ADCY8: variants seen among roughly 807,000 people sequenced by gnomAD.
ADCY8 encodes adenylate cyclase type 8.
In ADCY8, 51 loss-of-function variants were observed where a neutral mutation model predicts 119.7. The ratio of observed to expected loss-of-function variants is 0.43; its 90% CI spans 0.34 to 0.54. ADCY8 has a LOEUF of 0.54. Ranked by LOEUF, ADCY8 falls within the 20% of genes least tolerant of loss-of-function variation. The probability of loss-of-function intolerance (pLI) is 0.03; values close to 1 mark genes in which losing one functional copy is unlikely to be tolerated. For synonymous variants in ADCY8, 665 were observed against 651.0 expected (o/e 1.02, Z -0.33); for missense variants, 1,383 against 1,598.8 (o/e 0.87, Z 2.30).
At position 130,814,117 on chromosome 8, in the gene ADCY8, T is replaced by A. The variant is rs777443820; in HGVS notation, c.2865A>T (p.Leu955Phe). ...EHNENMLRNI[L>F]PSHVARHFLE... ...GGAAATGGCGGGCCACATGGCTGGG[T>A]AAGATATTCCGGAGCATGTTCTCAT... The change falls in exon 14 of 18, where the codon TTA becomes TTT. Residue 955 changes from leucine (L) to phenylalanine (F), a missense_variant. Physicochemically the swap from Leu to Phe is conservative, Grantham distance 22. Around this residue, in one of 2 missense-constraint regions of ADCY8, gnomAD observed 928 missense variants for 1,163.5 expected, o/e 0.80. Transcript: ENST00000286355. 66 of 1,613,976 alleles carry A rather than the reference T, an allele frequency of 4.1e-5. No individual in the cohort carries two copies. The highest frequency in any genetic ancestry group is 5.1e-5 in the Non-Finnish European group (60 of 1,180,014).
intron 1 of ADCY8, among the ~76,000 whole-genome samples, chr8:131,000,468 A>G (rs943509013): frequency 6.6e-6 from 1 of 152,184 alleles, no homozygotes; most frequent in Admixed American, 6.5e-5. Context: ...TGAGCAGAAC[A>G]CTTAATATGT....
chr8:130,876,424 T>A (rs1818567412), intron 8 of ADCY8, among the ~76,000 whole-genome samples: 1 of 149,286 alleles, frequency 6.7e-6, no homozygotes, highest in East Asian at 2.1e-4. Flanking sequence ...ACTACCTCCT[T>A]GATTGCTCAA....
At chr8:130,912,412 A>G (rs1271754430) in intron 5 of ADCY8, among the ~76,000 whole-genome samples, 1 of 152,194 alleles carries the variant, frequency 6.6e-6, no homozygotes, top group Admixed American at 6.5e-5. Context: ...GCTTTTTGGT[A>G]AAGAGTATAA....
chr8:130,918,406 G>A (rs1440922584), intron 5 of ADCY8, among the ~76,000 whole-genome samples: 2 of 152,144 alleles, frequency 1.3e-5, no homozygotes, highest in South Asian at 2.1e-4. Context: ...CTCATCTCCA[G>A]ATACTGTTAT....
chr8:131,005,244 G>A (rs1286437296), intron 1 of ADCY8, among the ~76,000 whole-genome samples: 1 of 152,182 alleles, frequency 6.6e-6, no homozygotes, highest in Non-Finnish European at 1.5e-5. Context: ...AAGGCTAAAC[G>A]AGGCCATTGG....
At chr8:130,782,196 C>T (rs187429531) in intron 17 of ADCY8, among the ~76,000 whole-genome samples, 58 of 152,016 alleles carry the variant, frequency 3.8e-4, no homozygotes, top group African/African-American at 1.3e-3. Flanking sequence ...AAGCAAGACA[C>T]GTATACCCAC....
intron 14 of ADCY8, among the ~76,000 whole-genome samples, chr8:130,812,150 C>T (rs990622338): frequency 6.6e-6 from 1 of 152,172 alleles, no homozygotes; most frequent in Non-Finnish European, 1.5e-5. Context: ...TTAGAGTCTC[C>T]TGCCTGGCTT....
At chr8:130,999,507 G>A (rs1293002496) in intron 1 of ADCY8, among the ~76,000 whole-genome samples, 1 of 152,152 alleles carries the variant, frequency 6.6e-6, no homozygotes, top group Non-Finnish European at 1.5e-5. Context: ...CAGAGTGGAG[G>A]TGGGAAAGGG....
At chr8:130,798,416 C>T (rs1047913032) in intron 15 of ADCY8, among the ~76,000 whole-genome samples, 9 of 152,114 alleles carry the variant, frequency 5.9e-5, no homozygotes, top group Admixed American at 1.3e-4. Flanking sequence ...GGGGTAAGGG[C>T]GAGGATGGCA....
intron 7 of ADCY8, among the ~76,000 whole-genome samples, chr8:130,898,173 G>A (rs1295299991): frequency 1.3e-5 from 2 of 152,150 alleles, no homozygotes; most frequent in East Asian, 1.9e-4. Context: ...TTATTTACCA[G>A]CTATGTGTCC....
intron 2 of ADCY8, among the ~76,000 whole-genome samples, chr8:130,957,174 A>T (rs1417648581): frequency 6.6e-6 from 1 of 152,132 alleles, no homozygotes; most frequent in Non-Finnish European, 1.5e-5. Context: ...CTTTGACCAT[A>T]ATGCTGATAA....
At chr8:130,952,323 C>T (rs1821299361) in intron 2 of ADCY8, among the ~76,000 whole-genome samples, 2 of 152,096 alleles carry the variant, frequency 1.3e-5, no homozygotes, top group Admixed American at 6.5e-5. Flanking sequence ...CATGCAAAAA[C>T]AGGTCATGAT....
At chr8:130,822,765 G>A (rs1387092395) in intron 12 of ADCY8, among the ~76,000 whole-genome samples, 2 of 152,208 alleles carry the variant, frequency 1.3e-5, no homozygotes, top group Non-Finnish European at 2.9e-5. Context: ...AGGTTCCAAT[G>A]TCAGCTTTTC....
intron 11 of ADCY8, among the ~76,000 whole-genome samples, chr8:130,841,649 A>T (rs1817146090): frequency 6.6e-6 from 1 of 152,190 alleles, no homozygotes; most frequent in African/African-American, 2.4e-5. Flanking sequence ...GACAATGATA[A>T]CTGACGAGGG....
chr8:130,967,436 T>G (rs1400622774), intron 2 of ADCY8, among the ~76,000 whole-genome samples: 1 of 152,238 alleles, frequency 6.6e-6, no homozygotes, highest in Non-Finnish European at 1.5e-5. Context: ...TATTGTTCCT[T>G]TGAGCTTTGG....
chr8:130,920,750 T>A (rs1042769640), intron 5 of ADCY8, among the ~76,000 whole-genome samples: 1 of 152,210 alleles, frequency 6.6e-6, no homozygotes, highest in African/African-American at 2.4e-5. Context: ...TTAGGTGAGA[T>A]GAACATTTAA....
In ADCY8 at chr8:130,867,603, C is replaced by A. The variant is rs572697569; in HGVS notation, c.2210+243G>T. Among the ~76,000 whole-genome samples the A allele has an allele frequency of 1.2e-3, 182 of 152,098 alleles. 3 individuals carry two copies. Among genetic ancestry groups the A allele is most frequent in the Non-Finnish European group, 1.6e-4 (11 of 67,986 alleles). Reference sequence around the variant, plus strand: ...AGTGTCATGTCAAATAAGAGTGGGGCCTATTTTAATTTTGGTTGTTGTTTT... The same window carrying A: ...AGTGTCATGTCAAATAAGAGTGGGGACTATTTTAATTTTGGTTGTTGTTTT... On this transcript the variant is annotated intron_variant, in intron 9 of 17. Transcript: ENST00000286355.
chr8:130,836,231 C>T (rs1816981731), intron 12 of ADCY8, 46 bp downstream of exon 12: 2 of 1,545,310 alleles, frequency 1.3e-6, no homozygotes, highest in African/African-American at 1.4e-5. Flanking sequence ...TTCCACTTCC[C>T]ACAGGAAGTT....
intron 8 of ADCY8, among the ~76,000 whole-genome samples, chr8:130,874,438 C>T (rs1818486043): frequency 6.6e-6 from 1 of 152,196 alleles, no homozygotes. Context: ...GCCATCTTCT[C>T]TATCTTGGTT....
Sources: gnomAD v4.1 joint callset for allele counts (sites outside exome capture counted in the v4.1 genomes callset) on GRCh38, gnomAD v4.1.1 for gene constraint, gnomAD v4.1.1 regional missense constraint, MANE v1.5 for transcripts, NCBI Gene and HGNC (gene_info 2026-07-23, HGNC 2026-07-21) for gene names.